TPH1: variants seen among roughly 807,000 people sequenced by gnomAD.
The protein encoded by TPH1 is tryptophan hydroxylase 1, also known as tryptophan 5-hydroxylase 1.
TPH1 carries 37 observed loss-of-function variants against 49.5 expected under a neutral mutation model. That is an observed-to-expected ratio of 0.75 (90% CI 0.58 to 0.98). The LOEUF (loss-of-function observed/expected upper bound fraction) is 0.98. Among genes scored for constraint, TPH1 ranks in the 50% least tolerant of loss-of-function variants. The pLI, the probability that TPH1 is intolerant of heterozygous loss-of-function variation, is 0.00. For synonymous variants in TPH1, 160 were observed against 182.1 expected (o/e 0.88, Z 0.98); for missense variants, 487 against 523.6 (o/e 0.93, Z 0.68).
chr11:18,043,848 A>G (rs964658421), intron 1 of TPH1, among the ~76,000 whole-genome samples: 1 of 151,746 alleles, frequency 6.6e-6, no homozygotes, highest in African/African-American at 2.4e-5. Flanking sequence ...CCTGGGTGAC[A>G]GAGTGAAACC....
chr11:18,045,131 A>G (rs1239728308), intron 1 of TPH1, among the ~76,000 whole-genome samples: 2 of 152,248 alleles, frequency 1.3e-5, no homozygotes, highest in African/African-American at 2.4e-5. Context: ...GGAAGCACAA[A>G]GCACTACTGA....
chr11:18,040,406 T>G (rs1021423103), intron 2 of TPH1, among the ~76,000 whole-genome samples: 5 of 150,230 alleles, frequency 3.3e-5, no homozygotes, highest in Admixed American at 6.6e-5. Flanking sequence ...CTCTGATACC[T>G]AGGCTAGAGT....
At chr11:18,045,503 C>T (rs1416608799) in intron 1 of TPH1, among the ~76,000 whole-genome samples, 1 of 150,358 alleles carries the variant, frequency 6.7e-6, no homozygotes, top group East Asian at 1.9e-4. Context: ...AACTAACAGG[C>T]ACAAACTTTT....
intron 2 of TPH1, among the ~76,000 whole-genome samples, chr11:18,039,996 C>T (rs1408878802): frequency 6.6e-6 from 1 of 151,690 alleles, no homozygotes; most frequent in Non-Finnish European, 1.5e-5. Flanking sequence ...CAATAGGAGA[C>T]ACTGTCATTA....
intron 10 of TPH1, 106 bp from the exon 11 acceptor site, chr11:18,021,271 T>C: frequency 4.5e-6 from 5 of 1,114,064 alleles, no homozygotes; most frequent in Non-Finnish European, 6.7e-6. Context: ...AACAAATTCT[T>C]GTTAGATATG....
chr11:18,045,148 C>T (rs543408686), intron 1 of TPH1, among the ~76,000 whole-genome samples: 4 of 152,288 alleles, frequency 2.6e-5, no homozygotes, highest in Non-Finnish European at 5.9e-5. Flanking sequence ...CTGAATTAGT[C>T]TTTTGAAAGC....
intron 8 of TPH1, among the ~76,000 whole-genome samples, chr11:18,024,800 G>A (rs977108712): frequency 6.6e-6 from 1 of 152,104 alleles, no homozygotes; most frequent in Non-Finnish European, 1.5e-5. Context: ...TCTATTTCAC[G>A]CTGCCTCCCT....
At position 18,042,823 on chromosome 11, in the gene TPH1, T is replaced by A. The variant is rs543009225; in HGVS notation, c.-26-2035A>T. On this transcript the variant is annotated intron_variant, in intron 1 of 10. Coordinates refer to ENST00000682019, the MANE Select transcript of TPH1 (RefSeq NM_004179.3). The stretch of plus-strand genomic sequence containing the variant: ...TTTTTCTTGCCCTAGGAATTAGGCA[T>A]TTTACAAGATGGTTAACATATTTCT... Among the ~76,000 whole-genome samples the A allele has an allele frequency of 3.3e-5, 5 of 152,356 alleles. No individual in the cohort carries two copies. The South Asian group carries it at 1.0e-3, about 32-fold the overall frequency.
intron 1 of TPH1, among the ~76,000 whole-genome samples, chr11:18,045,697 A>C (rs1291278201): frequency 6.6e-6 from 1 of 152,176 alleles, no homozygotes; most frequent in Non-Finnish European, 1.5e-5. Flanking sequence ...GACCTTGCAA[A>C]AAGCTCTCAG....
chr11:18,035,245 C>T (rs946888695), intron 3 of TPH1, among the ~76,000 whole-genome samples: 2 of 152,166 alleles, frequency 1.3e-5, no homozygotes, highest in African/African-American at 4.8e-5. Context: ...TCTTATGAGA[C>T]TTACTAAGTG....
At chr11:18,044,283 G>A (rs1378663997) in intron 1 of TPH1, among the ~76,000 whole-genome samples, 4 of 151,778 alleles carry the variant, frequency 2.6e-5, no homozygotes, top group Non-Finnish European at 5.9e-5. Flanking sequence ...TTGGCTGGGT[G>A]TGGTGGCGGG....
At chr11:18,034,775 G>T (rs1012237883) in intron 3 of TPH1, among the ~76,000 whole-genome samples, 1 of 152,026 alleles carries the variant, frequency 6.6e-6, no homozygotes. Flanking sequence ...GAACTCCAAG[G>T]ATTTTTTTTT....
rs779203146 is a variant in TPH1 at position 18,040,709 on chromosome 11, T to C, written c.54A>G (p.Ala18=). Residue 18 remains alanine (A), a synonymous_variant, in exon 2 of 11, where the codon GCA becomes GCG. Transcript: ENST00000682019. ...NKDHSLERGR[A]SLIFSLKNEV... ...CATTCTTTAAGGAAAAAATGAGACT[T>C]GCTCTTCCCCTTTCTAAGGAATGGT... 1.2e-6 allele frequency: 2 copies of C among 1,612,634 alleles called. No homozygotes were observed. The highest frequency in any genetic ancestry group is 3.3e-5 in the Admixed American group (2 of 59,940).
rs1194035493 is a variant in TPH1 at position 18,026,559 on chromosome 11, A to C, written c.734T>G (p.Leu245Ter). The change falls in exon 7 of 11, where the codon TTA becomes TGA. Residue 245 changes from leucine (L) to a stop codon, truncating the protein, a stop_gained. Transcript: ENST00000682019. LOFTEE classifies it high-confidence loss of function. ...YLSPRDFLSGLAFRVFHCTQY... is the reference protein window; with the variant it reads ...YLSPRDFLSG ...AGTGCAGTGAAAAACTCGAAAGGCTAAACCTGATAAGAAATCTCTTGGTGA... is the reference window on the plus strand; with the variant it reads ...AGTGCAGTGAAAAACTCGAAAGGCTCAACCTGATAAGAAATCTCTTGGTGA... The C allele has an allele frequency of 6.2e-7, 1 of 1,614,004 alleles. No individual in the cohort carries two copies. Among genetic ancestry groups the C allele is most frequent in the Non-Finnish European group, 8.5e-7 (1 of 1,179,998 alleles).
At chr11:18,023,089 ACTCCAGC>A in intron 9 of TPH1, 158 bp from the exon 10 acceptor site, 1 of 759,402 alleles carries the variant, frequency 1.3e-6, no homozygotes, top group African/African-American at 1.8e-5. Context: ...CCCACAGTAC[ACTCCAGC>A]AAAAAAAATG....
chr11:18,039,822 T>C (rs1848083087), intron 2 of TPH1, among the ~76,000 whole-genome samples: 1 of 152,192 alleles, frequency 6.6e-6, no homozygotes, highest in Non-Finnish European at 1.5e-5. Context: ...CTGATCCATA[T>C]TTTTAAGACA....
intron 1 of TPH1, chr11:18,041,270 C>T (rs1194794016): frequency 6.4e-5 from 10 of 157,036 alleles, no homozygotes; most frequent in Non-Finnish European, 1.3e-4. Context: ...AAACTAAAGG[C>T]CTGGCCAGCT....
At chr11:18,033,230 A>T (rs10832874) in intron 4 of TPH1, 44 bp downstream of exon 4, 1 of 1,459,914 alleles carries the variant, frequency 6.8e-7, no homozygotes, top group Non-Finnish European at 9.6e-7. Context: ...TCCAGTCTGG[A>T]CAGCAGAGCA....
chr11:18,036,061 C>A lies in TPH1; in HGVS notation c.199G>T (p.Asp67Tyr). The A allele has an allele frequency of 6.2e-7, 1 of 1,612,612 alleles. No homozygotes were observed. Among genetic ancestry groups the A allele is most frequent in the South Asian group, 1.1e-5 (1 of 91,034 alleles). The change falls in exon 3 of 11, where the codon GAC (aspartate) becomes TAC (tyrosine). Residue 67 changes from aspartate (D) to tyrosine (Y), a missense_variant. Transcript: ENST00000682019. ...TCATTCAATTGTTCTCTGTTGATGT[C>A]ACAGTCAACAAAAATCTCAAATTCT... ...NSEFEIFVDC[D>Y]INREQLNDIF...
Sources: allele counts gnomAD v4.1 joint callset (sites outside exome capture counted in the v4.1 genomes callset), GRCh38; gene constraint gnomAD v4.1.1; transcripts MANE v1.5; gene names NCBI Gene and HGNC (gene_info 2026-07-23, HGNC 2026-07-21).